The following CD8A variants were observed in gnomAD, a reference collection of about 807,000 sequenced individuals.
The protein encoded by CD8A is T-cell surface glycoprotein CD8 alpha chain.
A neutral mutation model predicts 24.2 loss-of-function variants in CD8A; 25 were observed. The ratio of observed to expected loss-of-function variants is 1.03; its 90% CI spans 0.75 to 1.44. The LOEUF (loss-of-function observed/expected upper bound fraction) is 1.44. Ranked by LOEUF, CD8A falls within the 40% of genes most tolerant of loss-of-function variation. CD8A has a pLI of 0.00. For synonymous variants in CD8A, 165 were observed against 149.9 expected, an observed-to-expected ratio of 1.10 and a Z score of -0.74; for missense variants, 360 against 319.7, an observed-to-expected ratio of 1.13 and a Z score of -0.96.
chr2:86,790,300 G>C (rs1232000396), intron 2 of CD8A, 28 bp downstream of exon 2: 5 of 1,522,698 alleles, frequency 3.3e-6, no homozygotes, highest in African/African-American at 1.4e-5. Context: ...GCCCCACGCG[G>C]AGAGGTGCCG....
chr2:86,789,547 C>A (rs1288910156), intron 3 of CD8A, 93 bp downstream of exon 3: 6 of 1,314,726 alleles, frequency 4.6e-6, no homozygotes, highest in Non-Finnish European at 6.5e-6. Context: ...ACTTGGACAG[C>A]CCTTGACTCT....
Position 86,785,671 on chromosome 2 carries a change from T to C in CD8A, c.*249A>G. On this transcript the variant is annotated 3_prime_UTR_variant, in exon 6 of 6. Transcript: ENST00000283635. ...TCTGCGGGTAGCTCTGGCCTGCCCC[T>C]TTCCACGCCCTACCGCGATGTGCGC... The C allele has an allele frequency of 1.5e-6, 1 of 675,794 alleles. No homozygotes were observed. The highest frequency in any genetic ancestry group is 2.7e-6 in the Non-Finnish European group (1 of 368,600). 41.9% of individuals were successfully genotyped at this position (675,794 alleles called of 1,614,324 possible).
At chr2:86,802,509 A>G (rs1284951604) in intron 2 of CD8A, among the ~76,000 whole-genome samples, 1 of 152,198 alleles carries the variant, frequency 6.6e-6, no homozygotes, top group African/African-American at 2.4e-5. Context: ...TTTTTGGCAG[A>G]GAAGTATGAA....
intron 2 of CD8A, among the ~76,000 whole-genome samples, chr2:86,806,434 C>T (rs146472624): frequency 1.3e-5 from 2 of 152,362 alleles, no homozygotes; most frequent in African/African-American, 4.8e-5. Flanking sequence ...GGGCTCTCTC[C>T]TCCCTTCCTC....
intron 5 of CD8A, among the ~76,000 whole-genome samples, chr2:86,787,051 G>A (rs796438886): frequency 8.3e-4 from 88 of 105,850 alleles, no homozygotes; most frequent in East Asian, 2.3e-3. Context: ...GAAAAGAAAA[G>A]AAAAGAAAAG....
At position 86,784,791 on chromosome 2, in the gene CD8A, T is replaced by A. The variant is rs1252290279; in HGVS notation, c.*1129A>T. Reference sequence around the variant, plus strand: ...TCCTAAGGTGAAGAATTATGAGTGGTTCTTATTTCCTTATCTACTTAAGTT... The same window carrying A: ...TCCTAAGGTGAAGAATTATGAGTGGATCTTATTTCCTTATCTACTTAAGTT... On this transcript the variant is annotated 3_prime_UTR_variant, in exon 6 of 6. Transcript: ENST00000283635. The A allele has an allele frequency of 4.4e-6, 2 of 453,958 alleles. No homozygotes were observed. The highest frequency in any genetic ancestry group is 2.0e-5 in the African/African-American group (1 of 49,988). The allele number at this position is 453,958 out of a possible 1,614,324, so 28.1% of individuals were successfully genotyped here.
chr2:86,794,374 T>C (rs536985158), upstream of CD8A, among the ~76,000 whole-genome samples: 1 of 152,302 alleles, frequency 6.6e-6, no homozygotes, highest in South Asian at 2.1e-4. Flanking sequence ...CCACTGCTCC[T>C]AAGACATGAA....
upstream of CD8A, among the ~76,000 whole-genome samples, chr2:86,792,596 G>A (rs1673348358): frequency 6.6e-6 from 1 of 152,000 alleles, no homozygotes; most frequent in African/African-American, 2.4e-5. Context: ...CCAGGCTCAA[G>A]TGATCCTTCC....
At chr2:86,799,673 T>G (rs1040671195) in intron 3 of CD8A, among the ~76,000 whole-genome samples, 15 of 152,080 alleles carry the variant, frequency 9.9e-5, no homozygotes, top group Admixed American at 2.6e-4. Flanking sequence ...GGAGAATGGC[T>G]TGAACCCGGG....
At chr2:86,798,527 T>TC (rs1487250619) in intron 3 of CD8A, among the ~76,000 whole-genome samples, 1 of 147,144 alleles carries the variant, frequency 6.8e-6, no homozygotes, top group South Asian at 2.1e-4. Flanking sequence ...TTTTCCTTTT[T>TC]CTTTTTTTTT....
chr2:86,803,339 A>G (rs1673734753), intron 2 of CD8A, among the ~76,000 whole-genome samples: 2 of 152,218 alleles, frequency 1.3e-5, no homozygotes, highest in African/African-American at 4.8e-5. Context: ...AGCATTATTC[A>G]TAATAACCAA....
intron 5 of CD8A, among the ~76,000 whole-genome samples, chr2:86,787,574 T>C (rs1262833842): frequency 6.6e-6 from 1 of 152,132 alleles, no homozygotes; most frequent in Non-Finnish European, 1.5e-5. Flanking sequence ...AGTTTCCTTA[T>C]CTGTAAAATG....
Position 86,790,829 on chromosome 2 carries a change from G to A in CD8A, c.-4C>T. ...AGGCGGTCACTGGTAAGGCCATGAC[G>A]CGCTCCCCAGGACGCTGCTTGGCTC... On this transcript the variant is annotated 5_prime_UTR_variant, in exon 1 of 6. Coordinates refer to ENST00000283635, the MANE Select transcript of CD8A (RefSeq NM_001768.7). The A allele has an allele frequency of 6.5e-7, 1 of 1,543,698 alleles. No individual in the cohort carries two copies.
chr2:86,795,322 G>A (rs910390256), upstream of CD8A, among the ~76,000 whole-genome samples: 4 of 152,194 alleles, frequency 2.6e-5, no homozygotes, highest in Non-Finnish European at 5.9e-5. Context: ...GAGTGGTCAG[G>A]AAAGGCTTCA....
At chr2:86,791,737 GC>G (rs1558736604), upstream of CD8A, 3 of 436,986 alleles carry the variant, frequency 6.9e-6, no homozygotes, top group Admixed American at 2.4e-5. Context: ...CCTCCGCACA[GC>G]CCCCTGCCCT....
chr2:86,789,168 A>G (rs571017376), intron 4 of CD8A, among the ~76,000 whole-genome samples, 155 bp downstream of exon 4: 71 of 152,150 alleles, frequency 4.7e-4, no homozygotes, highest in African/African-American at 1.6e-3. Flanking sequence ...CTCGCATTCT[A>G]TCTCCCAGAA....
At chr2:86,794,340 T>C (rs1474781743), upstream of CD8A, among the ~76,000 whole-genome samples, 1 of 152,188 alleles carries the variant, frequency 6.6e-6, no homozygotes, top group Non-Finnish European at 1.5e-5. Context: ...AGAGCAGTGG[T>C]AGGAAATCCA....
chr2:86,791,063 C>T (rs1414377052), upstream of CD8A: 20 of 699,900 alleles, frequency 2.9e-5, no homozygotes, highest in East Asian at 5.1e-4. Context: ...GCCGTCGAGG[C>T]AGCCTGGCCA....
intron 2 of CD8A, among the ~76,000 whole-genome samples, chr2:86,806,607 A>C (rs1329786159): frequency 1.3e-5 from 2 of 152,204 alleles, no homozygotes; most frequent in African/African-American, 2.4e-5. Flanking sequence ...TGGGCGGGGC[A>C]CGTTGGCTCA....
Sources: gnomAD v4.1 joint callset for allele counts (sites outside exome capture counted in the v4.1 genomes callset) on GRCh38, gnomAD v4.1.1 for gene constraint, MANE v1.5 for transcripts, NCBI Gene and HGNC (gene_info 2026-07-23, HGNC 2026-07-21) for gene names.